ANXA6: variants seen among roughly 807,000 people sequenced by gnomAD.
ANXA6 encodes the protein 67 kDa calelectrin.
In ANXA6, 71 loss-of-function variants were observed where a neutral mutation model predicts 95.4. The observed-to-expected ratio is 0.74, with a 90% CI of 0.61 to 0.91. The LOEUF is 0.91. Ranked by LOEUF, ANXA6 falls within the 40% of genes least tolerant of loss-of-function variation. ANXA6 has a pLI of 0.00. For synonymous variants in ANXA6, 289 were observed against 315.9 expected (o/e 0.91, Z 0.90); for missense variants, 830 against 876.4 (o/e 0.95, Z 0.67).
chr5:151,135,560 C>T (rs1248149277), intron 7 of ANXA6, among the ~76,000 whole-genome samples: 1 of 152,218 alleles, frequency 6.6e-6, no homozygotes, highest in Non-Finnish European at 1.5e-5. Flanking sequence ...TGAGACATCT[C>T]AATGCCTGTT....
intron 16 of ANXA6, among the ~76,000 whole-genome samples, 157 bp from the exon 17 acceptor site, chr5:151,122,417 C>G (rs1316857484): frequency 6.6e-6 from 1 of 152,058 alleles, no homozygotes; most frequent in Admixed American, 6.6e-5. Flanking sequence ...TTAGATGAAG[C>G]CAAAGAGGGT....
chr5:151,143,791 A>G (rs1765899258), intron 2 of ANXA6, among the ~76,000 whole-genome samples: 1 of 152,098 alleles, frequency 6.6e-6, no homozygotes, highest in African/African-American at 2.4e-5. Context: ...GGATGGATGA[A>G]TGACTGCGAA....
rs80265426 is a variant in ANXA6, at chr5:151,119,088, C to T, written c.1438+212G>A. On this transcript the variant is annotated intron_variant, in intron 18 of 25. Transcript: ENST00000354546. Reference sequence around the variant, plus strand: ...AATGTTCTCTGTTCCCACTTCCAGCCAAGCCCTTTTCTACCTCCAGGCCTT... The same window carrying T: ...AATGTTCTCTGTTCCCACTTCCAGCTAAGCCCTTTTCTACCTCCAGGCCTT... 9.5e-3 allele frequency among the ~76,000 whole-genome samples: 1,451 copies of T among 152,284 alleles called. 13 individuals carry two copies. Among genetic ancestry groups the T allele is most frequent in the South Asian group, 0.025 (119 of 4,830 alleles).
chr5:151,124,456 C>T, intron 14 of ANXA6, 89 bp from the exon 15 acceptor site: 1 of 1,316,112 alleles, frequency 7.6e-7, no homozygotes, highest in Admixed American at 2.0e-5. Flanking sequence ...GGGAAGCTCA[C>T]CCCATGAGCC....
At chr5:151,147,334 G>A (rs1765998758) in intron 2 of ANXA6, among the ~76,000 whole-genome samples, 1 of 152,174 alleles carries the variant, frequency 6.6e-6, no homozygotes, top group Non-Finnish European at 1.5e-5. Flanking sequence ...CCCTTCGTCA[G>A]GCCAAACAGT....
rs7710379 is a variant in ANXA6, at chr5:151,103,428, C to T, written c.1962+142G>A. On this transcript the variant is annotated intron_variant, in intron 25 of 25. Transcript: ENST00000354546. The stretch of plus-strand genomic sequence containing the variant: ...TGATTTCGGTATAAACAATGCAATA[C>T]AGACCCCCTTTCATTTCAATATCCT... 23 of 677,662 alleles carry T rather than the reference C, an allele frequency of 3.4e-5. No individual in the cohort carries two copies. In the African/African-American group the frequency reaches 4.1e-4, roughly 12 times the overall value. The allele number at this position is 677,662 out of a possible 1,614,324, so 42.0% of individuals were successfully genotyped here.
chr5:151,133,346 GGGGATA>G, intron 8 of ANXA6, 159 bp from the exon 9 acceptor site: 1 of 592,248 alleles, frequency 1.7e-6, no homozygotes, highest in Non-Finnish European at 3.0e-6. Context: ...ATTTAATGAT[GGGGATA>G]CATTCTGAGA....
At chr5:151,141,694 G>C (rs1430569465) in intron 2 of ANXA6, 2 of 985,386 alleles carry the variant, frequency 2.0e-6, no homozygotes, top group African/African-American at 1.7e-5. Flanking sequence ...TGCATGCGTC[G>C]GCGTGGAGTT....
intron 23 of ANXA6, among the ~76,000 whole-genome samples, chr5:151,108,212 C>T (rs1764752361): frequency 6.6e-6 from 1 of 151,986 alleles, no homozygotes; most frequent in Admixed American, 6.6e-5. Context: ...GCCCCCTCCC[C>T]TGCCTGCCCC....
Position 151,132,513 on chromosome 5 carries a change from C to CT in ANXA6, c.698dup (p.Leu234AlafsTer6). 1 of 1,613,500 alleles carries CT rather than the reference C, an allele frequency of 6.2e-7. No individual in the cohort carries two copies. The highest frequency in any genetic ancestry group is 8.5e-7 in the Non-Finnish European group (1 of 1,179,754). ...TTAGCTTCTCAAAGTCCCCAGACAG[C>CT]TCCCCTCGGATGCTGGCTTCAATCG... On this transcript the variant is annotated frameshift_variant, in exon 10 of 26. Coordinates refer to ENST00000354546, the MANE Select transcript of ANXA6 (RefSeq NM_001155.5). LOFTEE classifies it high-confidence loss of function.
At chr5:151,131,410 C>T (rs1765509162) in intron 10 of ANXA6, 121 bp from the exon 11 acceptor site, 2 of 1,006,912 alleles carry the variant, frequency 2.0e-6, no homozygotes, top group African/African-American at 3.2e-5. Flanking sequence ...GGAAGAACCA[C>T]CGTTCCTGAT....
chr5:151,128,128 C>T (rs149905406), intron 13 of ANXA6, 53 bp downstream of exon 13: 43 of 1,516,650 alleles, frequency 2.8e-5, no homozygotes, highest in Middle Eastern at 1.7e-4. Flanking sequence ...GGAGAGTCCC[C>T]GCCTGGCACC....
chr5:151,121,170 G>A (rs540127793), intron 17 of ANXA6, among the ~76,000 whole-genome samples: 10 of 152,300 alleles, frequency 6.6e-5, no homozygotes, highest in African/African-American at 2.2e-4. Flanking sequence ...AAGCACTACT[G>A]GTTTTATGCG....
chr5:151,146,206 G>C (rs1765971950), intron 2 of ANXA6, among the ~76,000 whole-genome samples: 1 of 152,198 alleles, frequency 6.6e-6, no homozygotes, highest in Non-Finnish European at 1.5e-5. Flanking sequence ...TGGCCTCTCT[G>C]ATCTTCCAGG....
intron 22 of ANXA6, among the ~76,000 whole-genome samples, chr5:151,109,014 TTA>T (rs1764776027): frequency 6.6e-6 from 1 of 152,202 alleles, no homozygotes; most frequent in Non-Finnish European, 1.5e-5. Flanking sequence ...TTTATGTGTG[TTA>T]TGTTTTTTGT....
chr5:151,138,830 A>G (rs1489134965), intron 4 of ANXA6, 39 bp from the exon 5 acceptor site: 2 of 1,408,188 alleles, frequency 1.4e-6, no homozygotes, highest in Admixed American at 1.8e-5. Flanking sequence ...AAGAGGAAAG[A>G]GGAAGAGTAG....
chr5:151,123,271 C>A (rs1225627093), intron 15 of ANXA6, among the ~76,000 whole-genome samples: 1 of 152,160 alleles, frequency 6.6e-6, no homozygotes, highest in Non-Finnish European at 1.5e-5. Context: ...GGAGTCAGTG[C>A]CTCTGAGTTC....
At chr5:151,116,029 A>G (rs551964515) in intron 20 of ANXA6, among the ~76,000 whole-genome samples, 12 of 152,398 alleles carry the variant, frequency 7.9e-5, no homozygotes, top group African/African-American at 2.6e-4. Context: ...GGGAGAACAT[A>G]AAAACGTATA....
At chr5:151,144,728 G>T (rs1317713725) in intron 2 of ANXA6, among the ~76,000 whole-genome samples, 1 of 152,048 alleles carries the variant, frequency 6.6e-6, no homozygotes, top group Admixed American at 6.6e-5. Context: ...TGATCCAAAC[G>T]CTCACTTAGA....
Sources: allele counts gnomAD v4.1 joint callset (sites outside exome capture counted in the v4.1 genomes callset), GRCh38; gene constraint gnomAD v4.1.1; transcripts MANE v1.5; gene names NCBI Gene and HGNC (gene_info 2026-07-23, HGNC 2026-07-21).